MMD: variants seen among roughly 807,000 people sequenced by gnomAD.
MMD encodes monocyte to macrophage differentiation associated.
In MMD, 22 loss-of-function variants were observed where a neutral mutation model predicts 33.6. The observed-to-expected ratio is 0.66, with a 90% CI of 0.47 to 0.94. MMD has a LOEUF of 0.94. MMD is among the 40% of genes least tolerant of loss of function. The probability of loss-of-function intolerance (pLI) is 0.00; values close to 1 mark genes in which losing one functional copy is unlikely to be tolerated. For synonymous variants in MMD, 97 were observed against 103.2 expected (o/e 0.94, Z 0.36); for missense variants, 242 against 309.8 (o/e 0.78, Z 1.64).
At chr17:55,404,519 G>C in intron 4 of MMD, 1 of 985,372 alleles carries the variant, frequency 1.0e-6, no homozygotes, top group Non-Finnish European at 1.2e-6. Context: ...TTTGGGAGCA[G>C]ATTACTTACA....
chr17:55,396,546 T>C (rs759218119), intron 6 of MMD, among the ~76,000 whole-genome samples: 1 of 152,210 alleles, frequency 6.6e-6, no homozygotes, highest in Non-Finnish European at 1.5e-5. Flanking sequence ...TGGGATTCCA[T>C]TTTATCTTTT....
At chr17:55,405,714 A>G (rs1295029741) in intron 4 of MMD, among the ~76,000 whole-genome samples, 2 of 152,216 alleles carry the variant, frequency 1.3e-5, no homozygotes, top group South Asian at 4.1e-4. Flanking sequence ...AAGCCGACCT[A>G]TAATTTAGTC....
intron 1 of MMD, among the ~76,000 whole-genome samples, chr17:55,418,495 G>A (rs902500817): frequency 6.6e-6 from 1 of 152,208 alleles, no homozygotes; most frequent in Non-Finnish European, 1.5e-5. Context: ...GGAACCAAGA[G>A]AACCCCGAAT....
intron 6 of MMD, among the ~76,000 whole-genome samples, chr17:55,396,538 G>A (rs1055094130): frequency 6.6e-6 from 1 of 151,804 alleles, no homozygotes; most frequent in Non-Finnish European, 1.5e-5. Context: ...AATAACTTTG[G>A]GATTCCATTT....
intron 6 of MMD, among the ~76,000 whole-genome samples, chr17:55,399,246 C>CA (rs35570429): frequency 1.2e-4 from 18 of 151,938 alleles, no homozygotes; most frequent in African/African-American, 3.6e-4. Context: ...GGTTCAGAGC[C>CA]AAAAAAACAG....
intron 1 of MMD, among the ~76,000 whole-genome samples, chr17:55,417,221 A>G (rs1364549937): frequency 1.3e-5 from 2 of 152,088 alleles, no homozygotes; most frequent in East Asian, 3.9e-4. Flanking sequence ...TACCATCAAC[A>G]CTACCTTCAA....
At chr17:55,421,559 G>A in intron 1 of MMD, 111 bp downstream of exon 1, 2 of 1,456,936 alleles carry the variant, frequency 1.4e-6, no homozygotes, top group African/African-American at 1.4e-5. Flanking sequence ...CAAGGTGCGG[G>A]ATCCACCCAG....
intron 6 of MMD, among the ~76,000 whole-genome samples, chr17:55,398,538 T>G (rs1249823876): frequency 6.6e-6 from 1 of 151,404 alleles, no homozygotes; most frequent in Non-Finnish European, 1.5e-5. Context: ...TATTATATAT[T>G]TATTATTTAT....
At chr17:55,421,532 G>C in intron 1 of MMD, 138 bp downstream of exon 1, 1 of 1,242,984 alleles carries the variant, frequency 8.0e-7, no homozygotes, top group Non-Finnish European at 1.1e-6. Context: ...GGAATCCCCA[G>C]GGAACTGATC....
chr17:55,404,501 A>G, intron 4 of MMD: 1 of 985,408 alleles, frequency 1.0e-6, no homozygotes, highest in Non-Finnish European at 1.2e-6. Context: ...TTAATTTCTG[A>G]CCATGTATTT....
At chr17:55,417,556 C>A (rs1216398360) in intron 1 of MMD, among the ~76,000 whole-genome samples, 1 of 152,028 alleles carries the variant, frequency 6.6e-6, no homozygotes, top group Non-Finnish European at 1.5e-5. Context: ...TTTTGGGGAG[C>A]TGAGGCGGGA....
At chr17:55,410,230 T>C (rs908294867) in intron 3 of MMD, among the ~76,000 whole-genome samples, 1 of 152,186 alleles carries the variant, frequency 6.6e-6, no homozygotes, top group Non-Finnish European at 1.5e-5. Flanking sequence ...GCTCTAAAAC[T>C]CTAGGATTCT....
intron 1 of MMD, among the ~76,000 whole-genome samples, chr17:55,415,364 T>C (rs1907927919): frequency 6.6e-6 from 1 of 152,194 alleles, no homozygotes; most frequent in Admixed American, 6.5e-5. Context: ...TCAACAGGCT[T>C]TGCACAATAA....
chr17:55,396,674 T>C (rs971032760), intron 6 of MMD, among the ~76,000 whole-genome samples: 3 of 152,026 alleles, frequency 2.0e-5, no homozygotes, highest in African/African-American at 7.2e-5. Context: ...TGGAGTGCAG[T>C]GCATGATCTC....
intron 4 of MMD, among the ~76,000 whole-genome samples, chr17:55,404,129 CG>C (rs1450538131): frequency 3.9e-5 from 6 of 152,060 alleles, no homozygotes; most frequent in Non-Finnish European, 7.4e-5. Context: ...CCGAGGCAGA[CG>C]GATCACTTGA....
rs142807013 is a variant in MMD, at chr17:55,407,944, T to C, written c.270-124A>G. On this transcript the variant is annotated intron_variant, in intron 3 of 6. Transcript: ENST00000262065. ...TTCTCATGGCCTTTACACTTGTTCTTCCAAGGTTACACAGATTTTTGTTGC... is the reference window on the plus strand; with the variant it reads ...TTCTCATGGCCTTTACACTTGTTCTCCCAAGGTTACACAGATTTTTGTTGC... The C allele has an allele frequency of 9.7e-4, 612 of 631,682 alleles. 1 individual carries two copies. The African/African-American group carries it at 0.011, about 11-fold the overall frequency. The allele number at this position is 631,682 out of a possible 1,614,324, so 39.1% of individuals were successfully genotyped here.
intron 6 of MMD, among the ~76,000 whole-genome samples, chr17:55,400,757 G>A (rs12453412): frequency 0.37 from 55,843 of 151,794 alleles, 10,819 homozygotes; most frequent in South Asian, 0.43. Flanking sequence ...CCATGAAGTC[G>A]TAATAATATA....
rs1907438803 is a variant in MMD, at chr17:55,403,823, C to T, written c.390G>A (p.Trp130Ter). 6.2e-7 allele frequency: 1 copy of T among 1,613,426 alleles called. No homozygotes were observed. Among genetic ancestry groups the T allele is most frequent in the Non-Finnish European group, 8.5e-7 (1 of 1,179,760 alleles). ...CTCCAGCTGCCATGAGCCAGATAAACCAACGCATATGAGATGCCAGGGGTC... is the reference window on the plus strand; with the variant it reads ...CTCCAGCTGCCATGAGCCAGATAAATCAACGCATATGAGATGCCAGGGGTC... ...ELGPLASHMR[W>*]FIWLMAAGGT... The change falls in exon 5 of 7, where the codon TGG becomes TGA. Residue 130 changes from tryptophan (W) to a stop codon, truncating the protein, a stop_gained. Transcript: ENST00000262065. LOFTEE classifies it high-confidence loss of function.
intron 1 of MMD, 130 bp from the exon 2 acceptor site, chr17:55,414,362 T>TAAAGCC (rs1167913014): frequency 1.2e-6 from 1 of 810,706 alleles, no homozygotes; most frequent in Non-Finnish European, 2.0e-6. Flanking sequence ...GTTGCGGTAA[T>TAAAGCC]AAAGCCAAAG....
Sources: gnomAD v4.1 joint callset for allele counts (sites outside exome capture counted in the v4.1 genomes callset) on GRCh38, gnomAD v4.1.1 for gene constraint, MANE v1.5 for transcripts, NCBI Gene and HGNC (gene_info 2026-07-23, HGNC 2026-07-21) for gene names.